The following STAG1 variants were observed in gnomAD, a reference collection of about 807,000 sequenced individuals.
STAG1 encodes cohesin subunit SA-1.
STAG1 carries 26 observed loss-of-function variants against 170.9 expected under a neutral mutation model. The observed-to-expected ratio is 0.15, with a 90% confidence interval of 0.11 to 0.21. The LOEUF (loss-of-function observed/expected upper bound fraction) is 0.21. STAG1 is among the 10% of genes least tolerant of loss of function. STAG1 has a pLI of 1.00. For missense variants in STAG1, 964 were observed against 1,509.5 expected (o/e 0.64, Z 5.99); for synonymous variants, 514 against 497.7 (o/e 1.03, Z -0.44).
chr3:136,546,943 C>T (rs1231504914), intron 5 of STAG1, among the ~76,000 whole-genome samples: 1 of 152,190 alleles, frequency 6.6e-6, no homozygotes, highest in Non-Finnish European at 1.5e-5. Context: ...CAGATAATCT[C>T]AAGTATACTT....
chr3:136,696,553 T>A (rs1174245853), intron 1 of STAG1, among the ~76,000 whole-genome samples: 1 of 151,954 alleles, frequency 6.6e-6, no homozygotes, highest in Non-Finnish European at 1.5e-5. Flanking sequence ...AATGAGTCAG[T>A]GTAGGTTCAT....
chr3:136,645,990 T>C (rs1288679021), intron 1 of STAG1, among the ~76,000 whole-genome samples: 1 of 152,150 alleles, frequency 6.6e-6, no homozygotes, highest in Non-Finnish European at 1.5e-5. Context: ...AAAGACCTAC[T>C]TCATGTGCTA....
At chr3:136,516,069 A>C (rs544437321) in intron 7 of STAG1, among the ~76,000 whole-genome samples, 95 of 152,338 alleles carry the variant, frequency 6.2e-4, no homozygotes, top group African/African-American at 2.2e-3. Flanking sequence ...GCAATTATTT[A>C]TACTACATGG....
At chr3:136,469,385 T>C (rs1044784893) in intron 12 of STAG1, among the ~76,000 whole-genome samples, 7 of 152,142 alleles carry the variant, frequency 4.6e-5, no homozygotes, top group Non-Finnish European at 7.3e-5. Context: ...CCATTCACAA[T>C]TGCTTCAAAG....
intron 1 of STAG1, among the ~76,000 whole-genome samples, chr3:136,690,202 C>T (rs975188379): frequency 1.2e-4 from 18 of 152,074 alleles, no homozygotes; most frequent in African/African-American, 4.3e-4. Context: ...AGGGTCAACT[C>T]CTCCAGTGGA....
chr3:136,350,077 T>C (rs1936378540), intron 28 of STAG1, among the ~76,000 whole-genome samples: 1 of 151,992 alleles, frequency 6.6e-6, no homozygotes, highest in Non-Finnish European at 1.5e-5. Context: ...GAGGCGGAGG[T>C]TGCAGTAAGC....
intron 13 of STAG1, among the ~76,000 whole-genome samples, chr3:136,453,768 G>A (rs549388993): frequency 2.3e-4 from 35 of 150,014 alleles, no homozygotes; most frequent in South Asian, 1.7e-3. Flanking sequence ...AAAAAAAAAC[G>A]GTATATGTAT....
At chr3:136,400,922 G>T in intron 21 of STAG1, among the ~76,000 whole-genome samples, 1 of 152,118 alleles carries the variant, frequency 6.6e-6, no homozygotes, top group East Asian at 1.9e-4. Flanking sequence ...TGTCTTAATA[G>T]AAAACAACTG....
chr3:136,521,277 G>A lies in STAG1; in HGVS notation c.612C>T (p.Ile204=), dbSNP rs768746015. The change falls in exon 7 of 34, where the codon ATC becomes ATT. Residue 204 remains isoleucine (I), a synonymous_variant. Transcript: ENST00000383202. ...IYDEYMMDTV[I]SLLTGLSDSQ... The stretch of plus-strand genomic sequence containing the variant: ...AGTCTGACAAACCCGTCAAAAGGGA[G>A]ATTACTGTGTCCATCATATACTCAT... 1.9e-6 allele frequency: 3 copies of A among 1,613,774 alleles called. No individual in the cohort carries two copies. Among genetic ancestry groups the A allele is most frequent in the South Asian group, 1.1e-5 (1 of 91,064 alleles).
chr3:136,509,305 A>G (rs1933933542), intron 7 of STAG1, among the ~76,000 whole-genome samples: 1 of 152,154 alleles, frequency 6.6e-6, no homozygotes, highest in South Asian at 2.1e-4. Context: ...AGGAGAAAGT[A>G]TAAAACAATT....
At chr3:136,552,722 T>C (rs1350641325) in intron 5 of STAG1, among the ~76,000 whole-genome samples, 1 of 152,180 alleles carries the variant, frequency 6.6e-6, no homozygotes, top group Non-Finnish European at 1.5e-5. Context: ...ATAAAGTTTT[T>C]CTGGTACTGC....
intron 4 of STAG1, among the ~76,000 whole-genome samples, chr3:136,585,640 C>A (rs1937779244): frequency 6.6e-6 from 1 of 151,472 alleles, no homozygotes; most frequent in Non-Finnish European, 1.5e-5. Context: ...TTAATCAATT[C>A]CAATTTTTTC....
At chr3:136,469,413 A>T (rs1477678164) in intron 12 of STAG1, among the ~76,000 whole-genome samples, 1 of 152,188 alleles carries the variant, frequency 6.6e-6, no homozygotes, top group Non-Finnish European at 1.5e-5. Context: ...AATACCTAGG[A>T]ATCCAACTTA....
At chr3:136,424,892 T>C (rs1031140080) in intron 16 of STAG1, among the ~76,000 whole-genome samples, 6 of 152,048 alleles carry the variant, frequency 3.9e-5, no homozygotes, top group Admixed American at 3.9e-4. Context: ...CAGGCTAGAG[T>C]GCAGTGGTGC....
intron 3 of STAG1, among the ~76,000 whole-genome samples, chr3:136,606,820 C>T (rs1439957660): frequency 6.7e-6 from 1 of 149,792 alleles, no homozygotes; most frequent in Non-Finnish European, 1.5e-5. Flanking sequence ...GTGATCTCAG[C>T]TCACTACAAC....
chr3:136,390,779 C>A (rs551668157), intron 22 of STAG1, among the ~76,000 whole-genome samples: 1 of 152,276 alleles, frequency 6.6e-6, no homozygotes, highest in South Asian at 2.1e-4. Flanking sequence ...GAATTCCGGG[C>A]CAGGACTCTA....
chr3:136,419,651 T>TG (rs2087891430), intron 20 of STAG1, among the ~76,000 whole-genome samples: 1 of 146,214 alleles, frequency 6.8e-6, no homozygotes, highest in Non-Finnish European at 1.5e-5. Context: ...TTAGCAGAGA[T>TG]GGGGTTTTGC....
chr3:136,348,965 C>T, intron 29 of STAG1, 193 bp downstream of exon 29: 1 of 592,366 alleles, frequency 1.7e-6, no homozygotes, highest in East Asian at 2.9e-5. Flanking sequence ...CATGCTTCCT[C>T]AACTTCTTTT....
At chr3:136,346,910 G>C (rs984658179) in intron 29 of STAG1, among the ~76,000 whole-genome samples, 16 of 151,712 alleles carry the variant, frequency 1.1e-4, no homozygotes, top group African/African-American at 3.6e-4. Flanking sequence ...ACCAGCCTGG[G>C]CAACAAGGTG....
Sources: gnomAD v4.1 joint callset for allele counts (sites outside exome capture counted in the v4.1 genomes callset) on GRCh38, gnomAD v4.1.1 for gene constraint, MANE v1.5 for transcripts, NCBI Gene and HGNC (gene_info 2026-07-23, HGNC 2026-07-21) for gene names.